Variants in CSMD1 observed in about 807,000 individuals in gnomAD.
CSMD1 encodes CUB and sushi domain-containing protein 1.
CSMD1 carries 213 observed loss-of-function variants against 417.5 expected under a neutral mutation model. The observed-to-expected ratio is 0.51, with a 90% CI of 0.46 to 0.57. CSMD1 has a LOEUF of 0.57. Among genes scored for constraint, CSMD1 ranks in the 20% least tolerant of loss-of-function variants. The pLI, the probability that CSMD1 is intolerant of heterozygous loss-of-function variation, is 0.00. For missense variants in CSMD1, 6,923 were observed against 4,529.7 expected, an observed-to-expected ratio of 1.53 and a Z score of -15.17; for synonymous variants, 2,862 against 1,736.8, an observed-to-expected ratio of 1.65 and a Z score of -16.11.
intron 10 of CSMD1, among the ~76,000 whole-genome samples, chr8:3,517,725 C>A (rs181880501): frequency 6.6e-6 from 1 of 152,130 alleles, no homozygotes; most frequent in East Asian, 1.9e-4. Flanking sequence ...GATAGTATAA[C>A]TCATAGGGCT....
chr8:3,377,109 A>G (rs1030610778), intron 18 of CSMD1, among the ~76,000 whole-genome samples: 1 of 148,682 alleles, frequency 6.7e-6, no homozygotes, highest in African/African-American at 2.4e-5. Context: ...CCTGGGCTCA[A>G]GTGATCCCCC....
intron 25 of CSMD1, among the ~76,000 whole-genome samples, chr8:3,298,215 A>C (rs1048908141): frequency 9.2e-5 from 14 of 152,208 alleles, no homozygotes; most frequent in African/African-American, 3.4e-4. Flanking sequence ...ACCATTACCC[A>C]GCAATTCCTG....
intron 3 of CSMD1, among the ~76,000 whole-genome samples, chr8:4,353,828 C>G (rs1339241750): frequency 1.3e-5 from 2 of 152,178 alleles, no homozygotes; most frequent in Admixed American, 6.5e-5. Context: ...GTGTTCTTCT[C>G]TCCTCAGTGA....
intron 5 of CSMD1, among the ~76,000 whole-genome samples, chr8:3,881,429 T>G (rs1352717206): frequency 8.0e-5 from 12 of 149,216 alleles, no homozygotes; most frequent in Non-Finnish European, 1.5e-5. Context: ...AGGTTAGGAG[T>G]TCAAAGACCA....
intron 2 of CSMD1, among the ~76,000 whole-genome samples, chr8:4,568,991 C>T (rs1254250901): frequency 6.6e-6 from 1 of 151,932 alleles, no homozygotes; most frequent in Non-Finnish European, 1.5e-5. Context: ...TGTTTAAGTT[C>T]CTTATAAATT....
At chr8:3,664,664 T>A (rs1798591816) in intron 7 of CSMD1, among the ~76,000 whole-genome samples, 1 of 152,240 alleles carries the variant, frequency 6.6e-6, no homozygotes, top group African/African-American at 2.4e-5. Flanking sequence ...CTTTTCTCAT[T>A]GCTTTTGCAT....
At chr8:3,188,216 G>GTCTATCTA (rs71199541) in intron 35 of CSMD1, among the ~76,000 whole-genome samples, 50,141 of 142,468 alleles carry the variant, frequency 0.35, 9,166 homozygotes, top group East Asian at 0.54. Context: ...TCATCTACAT[G>GTCTATCTA]TCTATCTATC....
chr8:4,630,230 T>G (rs1314520656), intron 2 of CSMD1, among the ~76,000 whole-genome samples: 2 of 151,688 alleles, frequency 1.3e-5, no homozygotes, highest in Admixed American at 6.6e-5. Context: ...ACTAGTCATT[T>G]TATCCTTTTT....
At chr8:4,104,230 C>T (rs1801449503) in intron 3 of CSMD1, among the ~76,000 whole-genome samples, 3 of 152,210 alleles carry the variant, frequency 2.0e-5, no homozygotes, top group Admixed American at 6.5e-5. Context: ...AGTGCGGATA[C>T]ACATAGAGAC....
chr8:4,653,458 A>G lies in CSMD1; in HGVS notation c.86-15900T>C, dbSNP rs114136466. ...TGTCTGTCATGTTATTTTCCTTTCC[A>G]GGCTAAAATTTGCATTTCAAATAAA... On this transcript the variant is annotated intron_variant, in intron 1 of 69. Coordinates refer to ENST00000635120, the MANE Select transcript of CSMD1 (RefSeq NM_033225.6). 7.6e-3 allele frequency among the ~76,000 whole-genome samples: 1,161 copies of G among 152,228 alleles called. 18 individuals are homozygous for G. The highest frequency in any genetic ancestry group is 0.027 in the African/African-American group (1,115 of 41,484).
At chr8:4,675,668 G>A (rs7814149) in intron 1 of CSMD1, among the ~76,000 whole-genome samples, 4,911 of 152,204 alleles carry the variant, frequency 0.032, 221 homozygotes, top group African/African-American at 0.1. Context: ...TCTCAAAATT[G>A]AGCTGTTTAA....
At chr8:2,965,726 T>C (rs763020640) in intron 59 of CSMD1, 49 bp downstream of exon 59, 1 of 1,501,254 alleles carries the variant, frequency 6.7e-7, no homozygotes, top group Non-Finnish European at 9.1e-7. Context: ...CATAATTCAA[T>C]AAAGACTTCT....
intron 10 of CSMD1, among the ~76,000 whole-genome samples, chr8:3,499,880 G>A (rs769037402): frequency 3.3e-5 from 5 of 152,132 alleles, no homozygotes; most frequent in African/African-American, 1.2e-4. Flanking sequence ...GCACCATGCT[G>A]CAGCAGCCTG....
At chr8:3,943,150 T>C (rs1166332404) in intron 5 of CSMD1, among the ~76,000 whole-genome samples, 1 of 152,160 alleles carries the variant, frequency 6.6e-6, no homozygotes, top group Non-Finnish European at 1.5e-5. Flanking sequence ...ATTGTTATCT[T>C]ATGATAAATA....
intron 10 of CSMD1, among the ~76,000 whole-genome samples, chr8:3,523,468 C>G (rs573740768): frequency 3.9e-5 from 6 of 152,244 alleles, no homozygotes; most frequent in Non-Finnish European, 7.4e-5. Flanking sequence ...TGCCTAAAGT[C>G]CAATTCGCCC....
chr8:4,235,082 CA>C (rs1393720320), intron 3 of CSMD1, among the ~76,000 whole-genome samples: 2 of 152,036 alleles, frequency 1.3e-5, no homozygotes, highest in African/African-American at 2.4e-5. Context: ...AGTCCCTTTC[CA>C]GGGGACTTCA....
At chr8:4,896,438 T>C (rs1804487166) in intron 1 of CSMD1, among the ~76,000 whole-genome samples, 1 of 152,142 alleles carries the variant, frequency 6.6e-6, no homozygotes, top group South Asian at 2.1e-4. Context: ...TCTTTTGTTA[T>C]GGAGCATCTA....
intron 2 of CSMD1, among the ~76,000 whole-genome samples, chr8:4,620,978 G>A (rs1389330229): frequency 1.3e-5 from 2 of 151,760 alleles, no homozygotes; most frequent in East Asian, 1.9e-4. Flanking sequence ...CAAACTCTTG[G>A]CTAGAAAGAT....
At chr8:3,348,686 A>G (rs1406290834) in intron 21 of CSMD1, among the ~76,000 whole-genome samples, 1 of 152,234 alleles carries the variant, frequency 6.6e-6, no homozygotes, top group African/African-American at 2.4e-5. Flanking sequence ...TGAATGCCTC[A>G]GCATTATGTC....
Sources: allele counts gnomAD v4.1 joint callset (sites outside exome capture counted in the v4.1 genomes callset), GRCh38; gene constraint gnomAD v4.1.1; transcripts MANE v1.5; gene names NCBI Gene and HGNC (gene_info 2026-07-23, HGNC 2026-07-21).